The following C4orf51 variants were observed in gnomAD, a reference collection of about 807,000 sequenced individuals.
The protein encoded by C4orf51 is chromosome 4 open reading frame 51.
Under a neutral mutation model 25.2 loss-of-function variants are expected in C4orf51, and 25 were observed. The ratio of observed to expected loss-of-function variants is 0.99; its 90% CI spans 0.72 to 1.39. The LOEUF is 1.39. Among genes scored for constraint, C4orf51 ranks in the 40% most tolerant of loss-of-function variants. The probability of loss-of-function intolerance (pLI) is 0.00; values close to 1 mark genes in which losing one functional copy is unlikely to be tolerated. For synonymous variants in C4orf51, 100 were observed against 84.5 expected (o/e 1.18, Z -1.01); for missense variants, 252 against 239.6 (o/e 1.05, Z -0.34).
intron 2 of C4orf51, among the ~76,000 whole-genome samples, chr4:145,708,359 GGTTTGGGGAGATCTTTCC>G (rs1477958706): frequency 5.9e-5 from 9 of 152,194 alleles, no homozygotes; most frequent in African/African-American, 2.2e-4. Flanking sequence ...CTTGTTTTAA[GGTTTGGGGAGATCTTTCC>G]GTTTGGGGAG....
chr4:145,748,467 T>C (rs1359367093), intron 1 of C4orf51, among the ~76,000 whole-genome samples: 2 of 152,108 alleles, frequency 1.3e-5, no homozygotes, highest in Non-Finnish European at 2.9e-5. Context: ...AGTTCTTTAA[T>C]ATACATCATT....
chr4:145,777,480 C>T, the C4orf51 span, among the ~76,000 whole-genome samples: 5 of 152,126 alleles, frequency 3.3e-5, no homozygotes, highest in African/African-American at 1.2e-4. Flanking sequence ...CTTTGGGAAC[C>T]GACTGATTCA....
chr4:145,781,329 G>C, the C4orf51 span, among the ~76,000 whole-genome samples: 1 of 150,948 alleles, frequency 6.6e-6, no homozygotes, highest in East Asian at 1.9e-4. Context: ...CCCAAATACA[G>C]GCTTCCACCT....
chr4:145,787,882 G>T, the C4orf51 span, among the ~76,000 whole-genome samples: 2 of 152,092 alleles, frequency 1.3e-5, no homozygotes, highest in Non-Finnish European at 2.9e-5. Flanking sequence ...CTTGCACAGG[G>T]TCAAGTAACC....
chr4:145,727,103 T>A, intron 3 of C4orf51, 134 bp downstream of exon 3: 1 of 638,482 alleles, frequency 1.6e-6, no homozygotes, highest in Non-Finnish European at 2.7e-6. Context: ...TATTCCTGAG[T>A]GCTTATTTTG....
At chr4:145,700,867 C>T (rs1380832073) in intron 2 of C4orf51, among the ~76,000 whole-genome samples, 1 of 152,178 alleles carries the variant, frequency 6.6e-6, no homozygotes, top group Non-Finnish European at 1.5e-5. Context: ...CGCCTCCCCT[C>T]CTCACACCTG....
intron 2 of C4orf51, among the ~76,000 whole-genome samples, chr4:145,716,254 T>C (rs1472733347): frequency 3.3e-5 from 5 of 152,174 alleles, no homozygotes; most frequent in Admixed American, 3.3e-4. Flanking sequence ...GACACAGACT[T>C]CCTTCCTCTT....
intron 1 of C4orf51, among the ~76,000 whole-genome samples, chr4:145,741,790 C>T (rs1292024849): frequency 6.6e-6 from 1 of 152,086 alleles, no homozygotes; most frequent in Non-Finnish European, 1.5e-5. Flanking sequence ...CTCTGCCTCC[C>T]AGGCTCAAGT....
chr4:145,756,425 T>A (rs1733959099), downstream of C4orf51, among the ~76,000 whole-genome samples: 1 of 152,216 alleles, frequency 6.6e-6, no homozygotes, highest in Admixed American at 6.5e-5. Flanking sequence ...CACCATGTTT[T>A]CCAGAGAAGT....
At chr4:145,783,735 C>T in the C4orf51 span, among the ~76,000 whole-genome samples, 1 of 152,166 alleles carries the variant, frequency 6.6e-6, no homozygotes, top group African/African-American at 2.4e-5. Context: ...GAAGAAATGG[C>T]TGGGACTCTG....
At chr4:145,694,361 G>C (rs1287931665) in intron 1 of C4orf51, among the ~76,000 whole-genome samples, 1 of 149,288 alleles carries the variant, frequency 6.7e-6, no homozygotes, top group Non-Finnish European at 1.5e-5. Flanking sequence ...TGCCCCGTCC[G>C]GGAGGGAGGT....
At chr4:145,774,530 T>C, downstream of C4orf51, 1 of 1,611,630 alleles carries the variant, frequency 6.2e-7, no homozygotes, top group Admixed American at 1.7e-5. Flanking sequence ...CCAATGTGAG[T>C]CTTTATCTCT....
At chr4:145,732,977 G>A (rs1248499257), downstream of C4orf51, among the ~76,000 whole-genome samples, 4 of 152,158 alleles carry the variant, frequency 2.6e-5, no homozygotes, top group Non-Finnish European at 4.4e-5. Flanking sequence ...GCCTTCCACC[G>A]CCAGGTTTTC....
intron 2 of C4orf51, among the ~76,000 whole-genome samples, chr4:145,721,866 A>G (rs886793787): frequency 9.2e-5 from 14 of 152,196 alleles, no homozygotes; most frequent in African/African-American, 3.4e-4. Flanking sequence ...TGCCTATGAG[A>G]TGGGCGGGAG....
rs1560881909 is a variant in C4orf51, at chr4:145,761,683, C to G, written n.167-9305C>G. 1.2e-6 allele frequency: 1 copy of G among 840,352 alleles called. No individual in the cohort carries two copies. The highest frequency in any genetic ancestry group is 1.6e-6 in the Non-Finnish European group (1 of 610,284). The allele number at this position is 840,352 out of a possible 1,614,324, so 52.1% of individuals were successfully genotyped here. A position where few individuals can be genotyped will look rare whatever the true frequency, so the allele number is the denominator to read the frequency against. Reference sequence around the variant, plus strand: ...TCTCGCCGCCTCACCAGCCTTCCCTCACACCACCCCCCAGTGTCTGAGGCC... The same window carrying G: ...TCTCGCCGCCTCACCAGCCTTCCCTGACACCACCCCCCAGTGTCTGAGGCC... On this transcript the variant is annotated intron_variant and non_coding_transcript_variant, in intron 1 of 1. Coordinates refer to the C4orf51 transcript ENST00000510096. The surrounding 1 kb of genome is among the most constrained non-coding windows in gnomAD (Gnocchi z 6.8).
chr4:145,711,916 G>A (rs564037489), intron 2 of C4orf51, among the ~76,000 whole-genome samples: 1 of 152,094 alleles, frequency 6.6e-6, no homozygotes, highest in South Asian at 2.1e-4. Flanking sequence ...TTTTCCAACA[G>A]TATGTATTCA....
At chr4:145,681,195 T>C (rs1429892704) in intron 1 of C4orf51, among the ~76,000 whole-genome samples, 1 of 152,238 alleles carries the variant, frequency 6.6e-6, no homozygotes, top group African/African-American at 2.4e-5. Flanking sequence ...GGACTTGTTA[T>C]GAAATCTATC....
chr4:145,736,498 C>T (rs1211508686), downstream of C4orf51, among the ~76,000 whole-genome samples: 1 of 152,142 alleles, frequency 6.6e-6, no homozygotes, highest in African/African-American at 2.4e-5. Flanking sequence ...ACACCTGGTC[C>T]ATGGCTGGGC....
At chr4:145,694,221 G>A (rs1273222406) in intron 1 of C4orf51, among the ~76,000 whole-genome samples, 1 of 144,074 alleles carries the variant, frequency 6.9e-6, no homozygotes. Flanking sequence ...CGGCTGGGAA[G>A]AGGCGCTCCT....
Sources: allele counts gnomAD v4.1 joint callset (sites outside exome capture counted in the v4.1 genomes callset), GRCh38; gene constraint gnomAD v4.1.1; non-coding constraint Gnocchi (gnomAD v3.1); transcripts MANE v1.5; gene names NCBI Gene and HGNC (gene_info 2026-07-23, HGNC 2026-07-21).